The following CNTN4 variants were observed in gnomAD, a reference collection of about 807,000 sequenced individuals.
CNTN4 encodes the protein contactin-4.
In CNTN4, 77 loss-of-function variants were observed where a neutral mutation model predicts 122.5. The ratio of observed to expected loss-of-function variants is 0.63; its 90% CI spans 0.52 to 0.76. The LOEUF (loss-of-function observed/expected upper bound fraction) is 0.76. Ranked by LOEUF, CNTN4 falls within the 30% of genes least tolerant of loss-of-function variation. The pLI is 0.00. For synonymous variants in CNTN4, 512 were observed against 447.0 expected, an observed-to-expected ratio of 1.15 and a Z score of -1.83; for missense variants, 1,256 against 1,259.1, an observed-to-expected ratio of 1.00 and a Z score of 0.04.
chr3:2,453,579 A>C (rs1360749856), intron 3 of CNTN4, among the ~76,000 whole-genome samples: 2 of 152,152 alleles, frequency 1.3e-5, no homozygotes, highest in Non-Finnish European at 2.9e-5. Context: ...ATGATCATGT[A>C]GCTTTTCAGA....
intron 2 of CNTN4, among the ~76,000 whole-genome samples, chr3:2,323,797 A>T (rs1364058189): frequency 6.6e-6 from 1 of 152,202 alleles, no homozygotes; most frequent in Non-Finnish European, 1.5e-5. Context: ...TTTCAAGTAT[A>T]AACAATACAA....
intron 4 of CNTN4, among the ~76,000 whole-genome samples, chr3:2,603,998 A>C (rs1033438972): frequency 2.6e-5 from 4 of 152,180 alleles, no homozygotes; most frequent in Non-Finnish European, 5.9e-5. Context: ...CTTTCTGTCA[A>C]TGCCTGCTTC....
intron 17 of CNTN4, among the ~76,000 whole-genome samples, chr3:3,036,309 T>C (rs2125714485): frequency 6.6e-6 from 1 of 152,340 alleles, no homozygotes; most frequent in African/African-American, 2.4e-5. Context: ...GGTTTCTGTG[T>C]TTCCTTCTGT....
chr3:2,931,750 C>G (rs1000980317), intron 13 of CNTN4, among the ~76,000 whole-genome samples: 5 of 152,024 alleles, frequency 3.3e-5, no homozygotes, highest in Non-Finnish European at 7.4e-5. Context: ...CACCTCAGCC[C>G]CCTGAGAAGC....
At chr3:2,596,148 G>C (rs990976919) in intron 4 of CNTN4, among the ~76,000 whole-genome samples, 3 of 152,122 alleles carry the variant, frequency 2.0e-5, no homozygotes, top group African/African-American at 7.2e-5. Flanking sequence ...ATATTTTTAA[G>C]AATCCTGCAG....
At chr3:2,794,234 C>T (rs896535934) in intron 6 of CNTN4, among the ~76,000 whole-genome samples, 7 of 152,028 alleles carry the variant, frequency 4.6e-5, no homozygotes, top group African/African-American at 1.7e-4. Context: ...GTCTGGTGCC[C>T]GATCCATCAG....
intron 4 of CNTN4, among the ~76,000 whole-genome samples, chr3:2,654,203 GA>G (rs2083481447): frequency 6.6e-6 from 1 of 152,034 alleles, no homozygotes; most frequent in South Asian, 2.1e-4. Context: ...AAATACCATT[GA>G]AAAAAAGAGT....
chr3:2,544,485 T>A (rs9829406), intron 3 of CNTN4, among the ~76,000 whole-genome samples: 12,587 of 152,110 alleles, frequency 0.083, 1,407 homozygotes, highest in East Asian at 0.52. Context: ...ATACAAAAAA[T>A]GTGAGGATAC....
At position 2,792,030 on chromosome 3, in the gene CNTN4, C is replaced by T. The variant is rs780114046; in HGVS notation, c.359-27456C>T. ...AGGTGCAGCAAACCACCGTGGCACACATTTACCTGTGTACCTGCAATCCTG... is the reference window on the plus strand; with the variant it reads ...AGGTGCAGCAAACCACCGTGGCACATATTTACCTGTGTACCTGCAATCCTG... On this transcript the variant is annotated intron_variant, in intron 6 of 24. Coordinates refer to ENST00000418658, the MANE Select transcript of CNTN4 (RefSeq NM_175607.3). Among the ~76,000 whole-genome samples the T allele has an allele frequency of 4.6e-5, 7 of 152,170 alleles. No individual in the cohort carries two copies. In the East Asian group the frequency reaches 9.6e-4, roughly 21 times the overall value.
intron 2 of CNTN4, among the ~76,000 whole-genome samples, chr3:2,136,796 G>A (rs372988115): frequency 9.9e-5 from 15 of 152,018 alleles, no homozygotes; most frequent in African/African-American, 2.2e-4. Context: ...AATTGATTCC[G>A]TTTACTTTTG....
intron 4 of CNTN4, among the ~76,000 whole-genome samples, chr3:2,623,613 G>T (rs951960721): frequency 1.3e-5 from 2 of 152,134 alleles, no homozygotes; most frequent in Non-Finnish European, 2.9e-5. Context: ...TAGGAGAGAG[G>T]GTTGTGTGGC....
At chr3:2,245,640 T>C (rs564820099) in intron 2 of CNTN4, among the ~76,000 whole-genome samples, 1 of 152,224 alleles carries the variant, frequency 6.6e-6, no homozygotes, top group South Asian at 2.1e-4. Context: ...TACATGTTTT[T>C]AGAACTCTTA....
chr3:2,569,422 T>C (rs923848580), intron 3 of CNTN4, among the ~76,000 whole-genome samples: 3 of 152,198 alleles, frequency 2.0e-5, no homozygotes, highest in African/African-American at 7.2e-5. Context: ...CTTCAGGTTA[T>C]TTTCAGCTTA....
At chr3:2,900,548 C>T (rs1046562096) in intron 10 of CNTN4, 137 bp from the exon 11 acceptor site, 2 of 950,462 alleles carry the variant, frequency 2.1e-6, no homozygotes, top group Non-Finnish European at 3.3e-6. Flanking sequence ...TGAATGTCTC[C>T]CCAGTCTTGT....
intron 2 of CNTN4, among the ~76,000 whole-genome samples, chr3:2,114,293 AAAC>A (rs2033182270): frequency 6.6e-6 from 1 of 151,978 alleles, no homozygotes; most frequent in Admixed American, 6.6e-5. Context: ...TCTCAAAAAA[AAAC>A]AAAAAAATAC....
intron 4 of CNTN4, among the ~76,000 whole-genome samples, chr3:2,650,541 G>A (rs141598394): frequency 2.0e-5 from 3 of 152,248 alleles, no homozygotes; most frequent in African/African-American, 7.2e-5. Flanking sequence ...ACCTGCTGAG[G>A]AAGTCTGTCA....
chr3:2,298,911 T>A (rs1299974972), intron 2 of CNTN4, among the ~76,000 whole-genome samples: 1 of 152,206 alleles, frequency 6.6e-6, no homozygotes, highest in Non-Finnish European at 1.5e-5. Flanking sequence ...ATATGAGAAT[T>A]TGTATTGAAA....
At chr3:2,438,336 A>G (rs1175191606) in intron 3 of CNTN4, among the ~76,000 whole-genome samples, 1 of 152,188 alleles carries the variant, frequency 6.6e-6, no homozygotes, top group African/African-American at 2.4e-5. Flanking sequence ...AGGCTGGCCA[A>G]CGTGGTGAAA....
rs2034537393 is a variant in CNTN4, at chr3:2,133,338, T to C, written c.-145+32699T>C. Among the ~76,000 whole-genome samples, 8 of 152,290 alleles carry C rather than the reference T, an allele frequency of 5.3e-5. No homozygotes were observed. In the South Asian group the frequency reaches 1.7e-3, roughly 32 times the overall value. On this transcript the variant is annotated intron_variant, in intron 2 of 24. Coordinates refer to ENST00000418658, the MANE Select transcript of CNTN4 (RefSeq NM_175607.3). ...ATTCTTAAGATTTCTTAAGTGTCAT[T>C]GTCTCTTCAGGTGGAGTCATAAAAT...
Sources: gnomAD v4.1 joint callset for allele counts (sites outside exome capture counted in the v4.1 genomes callset) on GRCh38, gnomAD v4.1.1 for gene constraint, MANE v1.5 for transcripts, NCBI Gene and HGNC (gene_info 2026-07-23, HGNC 2026-07-21) for gene names.